ASIC2: variants seen among roughly 807,000 people sequenced by gnomAD.
ASIC2 encodes acid-sensing ion channel 2.
In ASIC2, 25 loss-of-function variants were observed where a neutral mutation model predicts 57.3. The ratio of observed to expected loss-of-function variants is 0.44; its 90% CI spans 0.32 to 0.61. ASIC2 has a LOEUF of 0.61. Among genes scored for constraint, ASIC2 ranks in the 20% least tolerant of loss-of-function variants. ASIC2 has a pLI of 0.06. For missense variants in ASIC2, 641 were observed against 738.1 expected (o/e 0.87, Z 1.52); for synonymous variants, 319 against 307.5 (o/e 1.04, Z -0.39).
chr17:34,062,232 AT>A (rs1300822294), intron 1 of ASIC2, among the ~76,000 whole-genome samples: 9 of 152,286 alleles, frequency 5.9e-5, no homozygotes, highest in African/African-American at 2.2e-4. Flanking sequence ...CTTCAAAACC[AT>A]GCAAATACAT....
chr17:33,357,879 T>A (rs1263031751), intron 1 of ASIC2, among the ~76,000 whole-genome samples: 1 of 152,232 alleles, frequency 6.6e-6, no homozygotes, highest in Non-Finnish European at 1.5e-5. Flanking sequence ...TCTTAAAGTA[T>A]GATCTCAGGA....
intron 3 of ASIC2, among the ~76,000 whole-genome samples, chr17:33,077,697 A>C (rs1598265203): frequency 6.6e-6 from 1 of 152,190 alleles, no homozygotes; most frequent in African/African-American, 2.4e-5. Context: ...TTGTCACAAC[A>C]TAAACAAATG....
chr17:33,907,643 C>T lies in ASIC2; in HGVS notation c.555+248335G>A, dbSNP rs550357221. 2.0e-5 allele frequency among the ~76,000 whole-genome samples: 3 copies of T among 152,224 alleles called. No homozygotes were observed. In the South Asian group the frequency reaches 6.2e-4, roughly 32 times the overall value. On this transcript the variant is annotated intron_variant, in intron 1 of 9. Coordinates refer to the ASIC2 transcript ENST00000359872. ...TTGTTTGTTTTTCTGGAATTCTTTTCTTTCTTCCGGATGCCTCCCCAAGTT... is the reference window on the plus strand; with the variant it reads ...TTGTTTGTTTTTCTGGAATTCTTTTTTTTCTTCCGGATGCCTCCCCAAGTT...
chr17:33,709,350 C>T (rs1045810178), intron 1 of ASIC2, among the ~76,000 whole-genome samples: 2 of 152,202 alleles, frequency 1.3e-5, no homozygotes, highest in Non-Finnish European at 2.9e-5. Context: ...GCAGAAGGAA[C>T]TTTTCAGATG....
chr17:33,133,816 G>T (rs1480847329), intron 1 of ASIC2, among the ~76,000 whole-genome samples: 1 of 152,184 alleles, frequency 6.6e-6, no homozygotes, highest in Non-Finnish European at 1.5e-5. Flanking sequence ...AAGCTGAATG[G>T]AGGTTAAAAG....
chr17:34,075,074 C>T (rs923699726), intron 1 of ASIC2, among the ~76,000 whole-genome samples: 14 of 152,226 alleles, frequency 9.2e-5, no homozygotes, highest in African/African-American at 2.6e-4. Flanking sequence ...CGTGAGCCAC[C>T]GCGCCCGGCC....
At chr17:34,014,822 C>G (rs532263818) in intron 1 of ASIC2, among the ~76,000 whole-genome samples, 1 of 152,162 alleles carries the variant, frequency 6.6e-6, no homozygotes, top group African/African-American at 2.4e-5. Flanking sequence ...GTGTTAGGTA[C>G]TCACTCACAA....
intron 1 of ASIC2, among the ~76,000 whole-genome samples, chr17:33,416,489 A>G (rs1910845253): frequency 6.6e-6 from 1 of 152,298 alleles, no homozygotes; most frequent in South Asian, 2.1e-4. Flanking sequence ...TGAGGGTCTC[A>G]TGATGCCTGG....
intron 7 of ASIC2, among the ~76,000 whole-genome samples, chr17:33,019,342 G>A (rs533343311): frequency 7.9e-5 from 12 of 151,996 alleles, no homozygotes; most frequent in East Asian, 5.8e-4. Flanking sequence ...TGTGTCGAGC[G>A]TGTGTAGTGT....
intron 1 of ASIC2, among the ~76,000 whole-genome samples, chr17:34,097,630 T>G (rs988805981): frequency 6.6e-6 from 1 of 152,176 alleles, no homozygotes; most frequent in African/African-American, 2.4e-5. Context: ...ATTTTTAAAT[T>G]TGTACTTCTA....
intron 1 of ASIC2, among the ~76,000 whole-genome samples, chr17:33,745,773 A>C (rs1910241454): frequency 6.6e-6 from 1 of 152,192 alleles, no homozygotes; most frequent in African/African-American, 2.4e-5. Context: ...TTCATTGCTG[A>C]ACTTACCTTA....
At chr17:33,695,758 C>T (rs972341089) in intron 1 of ASIC2, among the ~76,000 whole-genome samples, 1 of 152,206 alleles carries the variant, frequency 6.6e-6, no homozygotes, top group Non-Finnish European at 1.5e-5. Flanking sequence ...CCTTAAACTC[C>T]ATCCCCCAAG....
At chr17:33,021,978 C>G (rs1053119438) in intron 6 of ASIC2, among the ~76,000 whole-genome samples, 2 of 152,172 alleles carry the variant, frequency 1.3e-5, no homozygotes, top group African/African-American at 4.8e-5. Flanking sequence ...GACTGGCATC[C>G]CCTACAATTC....
chr17:33,858,998 C>T (rs1914035813), intron 1 of ASIC2, among the ~76,000 whole-genome samples: 1 of 152,190 alleles, frequency 6.6e-6, no homozygotes, highest in Non-Finnish European at 1.5e-5. Context: ...CAGAAACTGC[C>T]ATTGAAAAGA....
chr17:33,365,765 T>A (rs2141934684), intron 1 of ASIC2, among the ~76,000 whole-genome samples: 1 of 152,288 alleles, frequency 6.6e-6, no homozygotes, highest in African/African-American at 2.4e-5. Context: ...TTTCCCATAA[T>A]TCCAAGATAT....
At chr17:34,086,769 A>C (rs1012007885) in intron 1 of ASIC2, among the ~76,000 whole-genome samples, 17 of 152,140 alleles carry the variant, frequency 1.1e-4, no homozygotes, top group African/African-American at 4.1e-4. Context: ...CTTCTTGTTG[A>C]ATTGATCCCT....
In ASIC2 at chr17:33,092,251, AC is replaced by A. The variant is rs530480806; in HGVS notation, c.860-3262del. Reference sequence around the variant, plus strand: ...ACAGATGCATTTCTTTCTATTTCTTACCAGAATTGCCCTTGGCTTCCTTTTA... The same window carrying A: ...ACAGATGCATTTCTTTCTATTTCTTACAGAATTGCCCTTGGCTTCCTTTTA... On this transcript the variant is annotated intron_variant, in intron 2 of 9. Coordinates refer to ENST00000225823, the MANE Select transcript of ASIC2 (RefSeq NM_183377.2). Among the ~76,000 whole-genome samples, 12 of 152,282 alleles carry A rather than the reference AC, an allele frequency of 7.9e-5. No individual in the cohort carries two copies. The South Asian group carries it at 1.9e-3, about 24-fold the overall frequency.
intron 1 of ASIC2, among the ~76,000 whole-genome samples, chr17:33,400,245 C>T (rs1910234276): frequency 6.6e-6 from 1 of 152,168 alleles, no homozygotes; most frequent in Non-Finnish European, 1.5e-5. Context: ...GTGTGAGGTG[C>T]CAGACTCCAT....
At chr17:33,320,661 GC>G (rs1228503860) in intron 1 of ASIC2, among the ~76,000 whole-genome samples, 3 of 152,100 alleles carry the variant, frequency 2.0e-5, no homozygotes, top group African/African-American at 4.8e-5. Flanking sequence ...TAAGTGATTT[GC>G]TTTCCTATGT....
Sources: gnomAD v4.1 joint callset for allele counts (sites outside exome capture counted in the v4.1 genomes callset) on GRCh38, gnomAD v4.1.1 for gene constraint, MANE v1.5 for transcripts, NCBI Gene and HGNC (gene_info 2026-07-23, HGNC 2026-07-21) for gene names.